CYP2B6: variants seen among roughly 807,000 people sequenced by gnomAD.
CYP2B6 encodes the protein cytochrome P450 family 2 subfamily B member 6, also known as cytochrome P450 2B6.
CYP2B6 carries 35 observed loss-of-function variants against 43.4 expected under a neutral mutation model. The observed-to-expected ratio is 0.81, with a 90% CI of 0.62 to 1.07. CYP2B6 has a LOEUF of 1.07. Ranked by LOEUF, CYP2B6 falls within the 50% of genes least tolerant of loss-of-function variation. CYP2B6 has a pLI of 0.00. For missense variants in CYP2B6, 624 were observed against 632.8 expected (o/e 0.99, Z 0.15); for synonymous variants, 239 against 239.2 (o/e 1.00, Z 0.01).
chr19:41,003,839 A>T (rs549804083), intron 1 of CYP2B6, 162 bp from the exon 2 acceptor site: 1 of 919,786 alleles, frequency 1.1e-6, no homozygotes, highest in African/African-American at 1.6e-5. Flanking sequence ...AGCGTTAACC[A>T]TTAACCCTTA....
rs45459594 is a variant in CYP2B6, at chr19:41,006,966, C to G, written c.546C>G (p.Ile182Met). The change falls in exon 4 of 9, where the codon ATC (isoleucine) becomes ATG (methionine). Residue 182 changes from isoleucine to methionine, a missense_variant. Coordinates refer to ENST00000324071, the MANE Select transcript of CYP2B6 (RefSeq NM_000767.5). ...TTACCGCCAACATCATCTGCTCCAT[C>G]GTCTTTGGAAAACGATTCCACTACC... ...QSITANIICS[I>M]VFGKRFHYQD... The G allele has an allele frequency of 2.8e-5, 45 of 1,614,040 alleles. 1 individual carries two copies. The African/African-American group carries it at 4.3e-4, about 15-fold the overall frequency.
In CYP2B6 at chr19:41,012,776, G is replaced by T. The variant is rs372874729; in HGVS notation, c.1255G>T (p.Ala419Ser). 4 of 1,613,982 alleles carry T rather than the reference G, an allele frequency of 2.5e-6. No individual in the cohort carries two copies. In the African/African-American group the frequency reaches 5.3e-5, roughly 22 times the overall value. Residue 419 changes from alanine to serine, a missense_variant, in exon 8 of 9, where the codon GCA becomes TCA. Ala to Ser is a moderately conservative substitution (Grantham distance 99, BLOSUM62 1). Transcript: ENST00000324071. The part of the protein sequence containing the change: ...NPDHFLDANG[A>S]LKKTEAFIPF... ...TGACCACTTTCTGGATGCCAATGGG[G>T]CACTGAAAAAGACTGAAGCTTTTAT... is the stretch of plus-strand genomic sequence containing the variant.
At chr19:41,000,499 G>A (rs534392252) in intron 1 of CYP2B6, among the ~76,000 whole-genome samples, 1 of 152,158 alleles carries the variant, frequency 6.6e-6, no homozygotes, top group Non-Finnish European at 1.5e-5. Flanking sequence ...AGTAGGGGGT[G>A]GCAGATCTGG....
At chr19:41,015,491 G>C (rs913333607) in intron 8 of CYP2B6, among the ~76,000 whole-genome samples, 4 of 152,162 alleles carry the variant, frequency 2.6e-5, no homozygotes, top group African/African-American at 9.7e-5. Context: ...TCCAAGGTTT[G>C]CAGATTATGA....
At chr19:41,011,299 C>T (rs1969279454) in intron 6 of CYP2B6, among the ~76,000 whole-genome samples, 1 of 152,188 alleles carries the variant, frequency 6.6e-6, no homozygotes. Context: ...CTTTCATTTA[C>T]TCCTTTATTT....
chr19:41,015,999 T>TACACACACAC (rs113314890), intron 8 of CYP2B6, among the ~76,000 whole-genome samples: 25,821 of 149,746 alleles, frequency 0.17, 2,644 homozygotes, highest in Admixed American at 0.33. Context: ...CATGTACAGG[T>TACACACACAC]ACACACACAC....
Position 41,005,272 on chromosome 19 carries a change from A to C in CYP2B6, c.484+826A>C, listed in dbSNP as rs10416437. ...TGGTGTCTGTGAGACATGTAGGTGAAGGGTCTCTGGCTAGCACCTCCATCT... is the reference window on the plus strand; with the variant it reads ...TGGTGTCTGTGAGACATGTAGGTGACGGGTCTCTGGCTAGCACCTCCATCT... On this transcript the variant is annotated intron_variant, in intron 3 of 8. Coordinates refer to ENST00000324071, the MANE Select transcript of CYP2B6 (RefSeq NM_000767.5). Among the ~76,000 whole-genome samples, 785 of 152,110 alleles carry C rather than the reference A, an allele frequency of 5.2e-3. 9 individuals are homozygous for C. The highest frequency in any genetic ancestry group is 0.018 in the African/African-American group (761 of 41,460).
intron 1 of CYP2B6, among the ~76,000 whole-genome samples, chr19:40,993,423 A>T (rs149087913): frequency 1.3e-5 from 2 of 152,288 alleles, no homozygotes; most frequent in African/African-American, 4.8e-5. Context: ...TCATGATGGA[A>T]GGTGAAGGAG....
chr19:41,014,849 G>A (rs775255127), intron 8 of CYP2B6, among the ~76,000 whole-genome samples: 1 of 151,162 alleles, frequency 6.6e-6, no homozygotes, highest in Non-Finnish European at 1.5e-5. Flanking sequence ...AATAAGAGGA[G>A]AGAGAGTAGG....
At chr19:41,012,645 T>A in intron 7 of CYP2B6, 29 bp from the exon 8 acceptor site, 1 of 1,613,650 alleles carries the variant, frequency 6.2e-7, no homozygotes, top group Middle Eastern at 1.7e-4. Flanking sequence ...GGAATGGCAA[T>A]ATCTTTTGAT....
At chr19:41,010,496 CTTCACTTCCAGGG>C (rs1219579501) in intron 6 of CYP2B6, among the ~76,000 whole-genome samples, 6 of 151,092 alleles carry the variant, frequency 4.0e-5, no homozygotes, top group African/African-American at 1.5e-4. Flanking sequence ...TTACTGCAAG[CTTCACTTCCAGGG>C]TTCACGCCAT....
intron 4 of CYP2B6, 40 bp from the exon 5 acceptor site, chr19:41,009,179 T>C (rs1345387226): frequency 6.3e-7 from 1 of 1,575,590 alleles, no homozygotes; most frequent in Non-Finnish European, 8.7e-7. Context: ...ACCTGCTAGC[T>C]CAGCCCTAGG....
At chr19:41,008,092 T>C (rs1021383296) in intron 4 of CYP2B6, among the ~76,000 whole-genome samples, 1 of 152,056 alleles carries the variant, frequency 6.6e-6, no homozygotes, top group Non-Finnish European at 1.5e-5. Flanking sequence ...GTAAAGGCAG[T>C]CTTCTGCTCT....
rs142520983 is a variant in CYP2B6 at position 41,011,694 on chromosome 19, G to A, written c.965-604G>A. Reference sequence around the variant, plus strand: ...GAGAGGGTGTTTTGAGAGGTTTGTAGCCTGGAGTTCTTAATCTGAAATTCC... The same window carrying A: ...GAGAGGGTGTTTTGAGAGGTTTGTAACCTGGAGTTCTTAATCTGAAATTCC... On this transcript the variant is annotated intron_variant, in intron 6 of 8. Coordinates refer to ENST00000324071, the MANE Select transcript of CYP2B6 (RefSeq NM_000767.5). Among the ~76,000 whole-genome samples the A allele has an allele frequency of 3.2e-3, 487 of 152,218 alleles. 3 individuals are homozygous for A. The highest frequency in any genetic ancestry group is 0.011 in the African/African-American group (466 of 41,542).
At chr19:41,002,215 C>T (rs142525808) in intron 1 of CYP2B6, among the ~76,000 whole-genome samples, 1 of 152,060 alleles carries the variant, frequency 6.6e-6, no homozygotes, top group Non-Finnish European at 1.5e-5. Flanking sequence ...TGGGGTTACC[C>T]TGGCTTGTGG....
chr19:40,992,029 T>C (rs1294954961), intron 1 of CYP2B6, among the ~76,000 whole-genome samples: 1 of 151,780 alleles, frequency 6.6e-6, no homozygotes, highest in Non-Finnish European at 1.5e-5. Flanking sequence ...TGGTGAAACC[T>C]TGTCTCTACT....
chr19:41,012,164 C>T (rs1568562997), intron 6 of CYP2B6, 134 bp from the exon 7 acceptor site: 14 of 802,174 alleles, frequency 1.7e-5, no homozygotes, highest in Non-Finnish European at 2.5e-5. Flanking sequence ...TGGCCAGGCT[C>T]ATCTTGAACT....
At chr19:41,013,429 C>T (rs1035572859) in intron 8 of CYP2B6, among the ~76,000 whole-genome samples, 4 of 152,212 alleles carry the variant, frequency 2.6e-5, no homozygotes, top group African/African-American at 9.6e-5. Context: ...GAGGAACTGG[C>T]TTCCAAGCTA....
chr19:40,999,117 C>T (rs1969041625), intron 1 of CYP2B6, among the ~76,000 whole-genome samples: 1 of 151,422 alleles, frequency 6.6e-6, no homozygotes, highest in Admixed American at 6.6e-5. Flanking sequence ...GATTGCCATT[C>T]TAACTGGTGT....
Sources: gnomAD v4.1 joint callset for allele counts (sites outside exome capture counted in the v4.1 genomes callset) on GRCh38, gnomAD v4.1.1 for gene constraint, MANE v1.5 for transcripts, NCBI Gene and HGNC (gene_info 2026-07-23, HGNC 2026-07-21) for gene names.